Variants in EDC3 observed in about 807,000 individuals in gnomAD.
EDC3 encodes the protein enhancer of mRNA decapping 3.
Under a neutral mutation model 41.8 loss-of-function variants are expected in EDC3, and 20 were observed. That is an observed-to-expected ratio of 0.48 (90% confidence interval 0.34 to 0.70). EDC3 has a LOEUF of 0.70. EDC3 is among the 30% of genes least tolerant of loss of function. The pLI is 0.01. For synonymous variants in EDC3, 206 were observed against 243.2 expected (o/e 0.85, Z 1.42); for missense variants, 444 against 636.8 (o/e 0.70, Z 3.26).
At chr15:74,648,935 A>G (rs2062447512) in intron 4 of EDC3, among the ~76,000 whole-genome samples, 1 of 152,068 alleles carries the variant, frequency 6.6e-6, no homozygotes, top group Non-Finnish European at 1.5e-5. Flanking sequence ...CATTTTTTTT[A>G]AACGTTGAGA....
chr15:74,678,484 TTTAC>T (rs139442308), intron 1 of EDC3, among the ~76,000 whole-genome samples: 1 of 152,350 alleles, frequency 6.6e-6, no homozygotes, highest in Non-Finnish European at 1.5e-5. Context: ...CCTAGATGGC[TTTAC>T]TGGCTTTTTC....
At chr15:74,655,327 C>T (rs894122283) in intron 4 of EDC3, among the ~76,000 whole-genome samples, 6 of 152,200 alleles carry the variant, frequency 3.9e-5, no homozygotes, top group South Asian at 4.1e-4. Flanking sequence ...AATCATCCAT[C>T]TTCAACTGTT....
intron 4 of EDC3, chr15:74,644,444 A>C (rs1310317717): frequency 1.3e-5 from 2 of 152,042 alleles, no homozygotes; most frequent in Admixed American, 1.3e-4. Flanking sequence ...CTCCACTCTT[A>C]AGTGGTAGTT....
chr15:74,663,428 A>T (rs1412108900), intron 3 of EDC3, among the ~76,000 whole-genome samples: 1 of 152,230 alleles, frequency 6.6e-6, no homozygotes, highest in Admixed American at 6.5e-5. Context: ...AATGTTCAAA[A>T]GCACAAGCTG....
chr15:74,693,887 G>A (rs2063036154), intron 1 of EDC3, among the ~76,000 whole-genome samples: 1 of 152,188 alleles, frequency 6.6e-6, no homozygotes, highest in African/African-American at 2.4e-5. Context: ...GGGAGGCTGA[G>A]GCAGGAGAAT....
Position 74,671,321 on chromosome 15 carries a change from T to C in EDC3, c.484+134A>G. The C allele has an allele frequency of 9.8e-7, 1 of 1,017,934 alleles. No homozygotes were observed. The highest frequency in any genetic ancestry group is 1.4e-6 in the Non-Finnish European group (1 of 695,244). The allele number at this position is 1,017,934 out of a possible 1,614,324, so 63.1% of individuals were successfully genotyped here. A position where few individuals can be genotyped will look rare whatever the true frequency, so the allele number is the denominator to read the frequency against. On this transcript the variant is annotated intron_variant, in intron 3 of 6. Coordinates refer to ENST00000315127, the MANE Select transcript of EDC3 (RefSeq NM_025083.5). The surrounding 1 kb of genome is among the most constrained non-coding windows in gnomAD (Gnocchi z 4.6). The stretch of plus-strand genomic sequence containing the variant: ...TGAGGCCTGGAGGAAGAGAACCATG[T>C]TGTATTTCTGTGACGCTCAGCCAGC...
chr15:74,675,169 T>C (rs750844972), intron 1 of EDC3, 27 bp from the exon 2 acceptor site: 6 of 1,598,408 alleles, frequency 3.8e-6, no homozygotes, highest in Non-Finnish European at 5.1e-6. Flanking sequence ...CTATTCAGTG[T>C]GCCTTGGTGA....
chr15:74,649,281 C>G (rs972089966), intron 4 of EDC3, among the ~76,000 whole-genome samples: 20 of 151,568 alleles, frequency 1.3e-4, no homozygotes, highest in African/African-American at 4.9e-4. Context: ...GTGTTAGCAC[C>G]CTGGCTAATT....
chr15:74,693,221 G>A (rs896596496), intron 1 of EDC3, among the ~76,000 whole-genome samples: 1 of 151,992 alleles, frequency 6.6e-6, no homozygotes, highest in African/African-American at 2.4e-5. Flanking sequence ...AGGTCACATC[G>A]GTTCTTCTCA....
At chr15:74,674,107 TTTATTTA>T (rs2062773870) in intron 2 of EDC3, among the ~76,000 whole-genome samples, 1 of 151,944 alleles carries the variant, frequency 6.6e-6, no homozygotes, top group African/African-American at 2.4e-5. Context: ...GCATTTTATT[TTTATTTA>T]TTTTTTTACA....
At chr15:74,675,708 G>A (rs978167121) in intron 1 of EDC3, among the ~76,000 whole-genome samples, 3 of 150,052 alleles carry the variant, frequency 2.0e-5, no homozygotes, top group Admixed American at 6.7e-5. Flanking sequence ...GTGAAACCCC[G>A]TCTCTACTAA....
chr15:74,685,434 TA>T (rs2062924709), intron 1 of EDC3, among the ~76,000 whole-genome samples: 2 of 150,676 alleles, frequency 1.3e-5, no homozygotes, highest in Non-Finnish European at 2.9e-5. Flanking sequence ...GATAGATAGA[TA>T]GTGTGTGTGT....
chr15:74,676,197 T>C (rs542624597), intron 1 of EDC3, among the ~76,000 whole-genome samples: 1 of 152,328 alleles, frequency 6.6e-6, no homozygotes, highest in East Asian at 1.9e-4. Flanking sequence ...AAAATAGTTC[T>C]AACTCAACGA....
Position 74,672,295 on chromosome 15 carries a change from C to T in EDC3, c.165-521G>A, listed in dbSNP as rs1227861939. On this transcript the variant is annotated intron_variant, in intron 2 of 6. Coordinates refer to ENST00000315127, the MANE Select transcript of EDC3 (RefSeq NM_025083.5). ...AAAAAAAAAAAAAAAAAAAGAGAGG[C>T]TATTGCTAACAACAAAACTGTATTA... Among the ~76,000 whole-genome samples, 5 of 129,020 alleles carry T rather than the reference C, an allele frequency of 3.9e-5. No homozygotes were observed. In the East Asian group the frequency reaches 1.2e-3, roughly 30 times the overall value. The allele number at this position is 129,020 out of a possible 152,430, so 84.6% of individuals were successfully genotyped here. A position where few individuals can be genotyped will look rare whatever the true frequency, so the allele number is the denominator to read the frequency against.
intron 1 of EDC3, among the ~76,000 whole-genome samples, chr15:74,689,538 T>C (rs2062978406): frequency 6.6e-6 from 1 of 152,204 alleles, no homozygotes; most frequent in Admixed American, 6.5e-5. Flanking sequence ...TTTTTTTCTT[T>C]TTTTGAGACG....
chr15:74,649,863 G>C (rs565120671), intron 4 of EDC3, among the ~76,000 whole-genome samples: 14 of 140,330 alleles, frequency 1.0e-4, no homozygotes, highest in South Asian at 6.5e-4. Context: ...GAAAAAAAGG[G>C]GGGGGGGGTC....
At chr15:74,666,836 T>C (rs184678643) in intron 3 of EDC3, among the ~76,000 whole-genome samples, 5 of 152,272 alleles carry the variant, frequency 3.3e-5, no homozygotes, top group South Asian at 2.1e-4. Flanking sequence ...GCCTTAGTGT[T>C]TGCAAATTTT....
intron 1 of EDC3, among the ~76,000 whole-genome samples, chr15:74,680,645 G>A (rs991033461): frequency 6.6e-6 from 1 of 151,922 alleles, no homozygotes; most frequent in Admixed American, 6.6e-5. Context: ...TCGCAATAAA[G>A]CAAGAAACAG....
Position 74,632,913 on chromosome 15 carries a change from TTGA to T in EDC3, c.1223_1225del (p.Ile408del). ...GACGTTCTCAGGGCAATCCAGGCAG[TTGA>T]TGACCAGGTCCACAGGGCTAGTGGG... On this transcript the variant is annotated inframe_deletion, in exon 7 of 7. Coordinates refer to ENST00000315127, the MANE Select transcript of EDC3 (RefSeq NM_025083.5). This position sits in a 1 kb window ranked among gnomAD's most constrained non-coding sequence, Gnocchi z 4.0. The T allele has an allele frequency of 6.2e-7, 1 of 1,614,154 alleles. No individual in the cohort carries two copies. The highest frequency in any genetic ancestry group is 8.5e-7 in the Non-Finnish European group (1 of 1,180,012).
Sources: allele counts gnomAD v4.1 joint callset (sites outside exome capture counted in the v4.1 genomes callset), GRCh38; gene constraint gnomAD v4.1.1; non-coding constraint Gnocchi (gnomAD v3.1); transcripts MANE v1.5; gene names NCBI Gene and HGNC (gene_info 2026-07-23, HGNC 2026-07-21).